STK31: variants seen among roughly 807,000 people sequenced by gnomAD.
The protein encoded by STK31 is serine/threonine kinase 31, also known as serine/threonine-protein kinase 31.
In STK31, 89 loss-of-function variants were observed where a neutral mutation model predicts 129.7. The ratio of observed to expected loss-of-function variants is 0.69; its 90% CI spans 0.58 to 0.82. The LOEUF (loss-of-function observed/expected upper bound fraction) is 0.82. STK31 is among the 40% of genes least tolerant of loss of function. The pLI is 0.00. For missense variants in STK31, 1,187 were observed against 1,176.4 expected (o/e 1.01, Z -0.13); for synonymous variants, 448 against 395.3 (o/e 1.13, Z -1.58).
chr7:23,711,856 G>T (rs1785986542), intron 1 of STK31, among the ~76,000 whole-genome samples: 1 of 152,152 alleles, frequency 6.6e-6, no homozygotes, highest in Non-Finnish European at 1.5e-5. Flanking sequence ...GTATAAGTTT[G>T]TAAAAGTTTG....
intron 4 of STK31, among the ~76,000 whole-genome samples, chr7:23,726,841 G>C (rs1787116649): frequency 6.6e-6 from 1 of 152,090 alleles, no homozygotes; most frequent in Non-Finnish European, 1.5e-5. Flanking sequence ...TTGAGAGTTA[G>C]ACTTACGTGG....
intron 4 of STK31, among the ~76,000 whole-genome samples, chr7:23,724,460 G>A (rs377490930): frequency 1.1e-3 from 175 of 152,308 alleles, no homozygotes; most frequent in African/African-American, 1.9e-3. Context: ...TTAAAGTAGC[G>A]AGTTAGAGTA....
At chr7:23,735,132 TA>T (rs1787643457) in intron 6 of STK31, among the ~76,000 whole-genome samples, 1 of 152,208 alleles carries the variant, frequency 6.6e-6, no homozygotes, top group Non-Finnish European at 1.5e-5. Flanking sequence ...ACTCTGCCTC[TA>T]AAACTTTCAA....
At position 23,752,797 on chromosome 7, in the gene STK31, T is replaced by C; in HGVS notation, c.1098T>C (p.Asn366=). 6.2e-7 allele frequency: 1 copy of C among 1,613,164 alleles called. No individual in the cohort carries two copies. The change falls in exon 9 of 24, where the codon AAT becomes AAC. Residue 366 remains asparagine (N), a synonymous_variant. Transcript: ENST00000355870. ...CCTATATAGATACCAGAATGAAAAA[T>C]CTGGCAGCTAAGATGGAAATACTGA... The part of the protein sequence containing the change: ...LKTYIDTRMK[N]LAAKMEILKE...
At chr7:23,795,406 G>A (rs759104273) in intron 22 of STK31, among the ~76,000 whole-genome samples, 1 of 152,230 alleles carries the variant, frequency 6.6e-6, no homozygotes, top group Non-Finnish European at 1.5e-5. Context: ...GTATGGAAAT[G>A]CCTGGATGTC....
chr7:23,832,425 A>G lies in STK31; in HGVS notation c.*59A>G, dbSNP rs1268178310. ...AAAAACTTTGGTTTGGTTAATACACAGAAATATCTAGAAATGTTCTGGGAC... is the reference window on the plus strand; with the variant it reads ...AAAAACTTTGGTTTGGTTAATACACGGAAATATCTAGAAATGTTCTGGGAC... On this transcript the variant is annotated 3_prime_UTR_variant, in exon 24 of 24. Coordinates refer to ENST00000355870, the MANE Select transcript of STK31 (RefSeq NM_031414.5). The G allele has an allele frequency of 1.9e-5, 22 of 1,141,196 alleles. No homozygotes were observed. The highest frequency in any genetic ancestry group is 1.9e-4 in the African/African-American group (12 of 64,096). The allele number at this position is 1,141,196 out of a possible 1,614,324, so 70.7% of individuals were successfully genotyped here.
At chr7:23,814,146 C>CTTTTTTTTTTT (rs71552259) in intron 22 of STK31, among the ~76,000 whole-genome samples, 6,673 of 98,380 alleles carry the variant, frequency 0.068, 1,965 homozygotes, top group East Asian at 0.14. Flanking sequence ...ATCTGGCTCA[C>CTTTTTTTTTTT]TTATTTTTTT....
At chr7:23,726,950 A>C (rs989757348) in intron 4 of STK31, among the ~76,000 whole-genome samples, 7 of 152,110 alleles carry the variant, frequency 4.6e-5, no homozygotes, top group African/African-American at 1.7e-4. Flanking sequence ...GTGCCTTAAA[A>C]AATTTTTTTT....
chr7:23,814,538 A>G (rs1562627035), intron 22 of STK31, among the ~76,000 whole-genome samples: 1 of 152,164 alleles, frequency 6.6e-6, no homozygotes, highest in Non-Finnish European at 1.5e-5. Context: ...TAAGATATTT[A>G]TAGGTGAAAT....
At position 23,788,072 on chromosome 7, in the gene STK31, A is replaced by C; in HGVS notation, c.2580A>C (p.Val860=). 1 of 1,613,098 alleles carries C rather than the reference A, an allele frequency of 6.2e-7. No individual in the cohort carries two copies. Among genetic ancestry groups the C allele is most frequent in the South Asian group, 1.1e-5 (1 of 90,846 alleles). ...ATGGATCACTTCATCAGAACAATGTATTTGCTTTAAACCGTGAACAAGGAA... is the reference window on the plus strand; with the variant it reads ...ATGGATCACTTCATCAGAACAATGTCTTTGCTTTAAACCGTGAACAAGGAA... ...IIHGSLHQNN[V]FALNREQGIV... is the part of the protein sequence containing the mutation. The change falls in exon 21 of 24, where the codon GTA becomes GTC. Residue 860 remains valine, a synonymous_variant. Transcript: ENST00000355870.
intron 22 of STK31, among the ~76,000 whole-genome samples, chr7:23,812,172 T>G (rs891695800): frequency 2.6e-5 from 4 of 152,198 alleles, no homozygotes; most frequent in African/African-American, 9.6e-5. Context: ...TGAGAACATC[T>G]TGATTTCACT....
intron 22 of STK31, among the ~76,000 whole-genome samples, chr7:23,808,691 C>T (rs1024426959): frequency 1.3e-5 from 2 of 151,968 alleles, no homozygotes; most frequent in African/African-American, 4.8e-5. Flanking sequence ...AGTTCAGTTC[C>T]CTGTTTGGCT....
At chr7:23,740,761 T>C (rs1178621876) in intron 8 of STK31, among the ~76,000 whole-genome samples, 1 of 152,150 alleles carries the variant, frequency 6.6e-6, no homozygotes, top group Admixed American at 6.5e-5. Context: ...TTTTTTGTCC[T>C]TGCGATAGTT....
At chr7:23,789,557 G>C (rs6461738) in intron 21 of STK31, among the ~76,000 whole-genome samples, 70,627 of 151,868 alleles carry the variant, frequency 0.47, 16,875 homozygotes, top group Admixed American at 0.55. Context: ...TTTTGATATG[G>C]TAGCTCAAAA....
chr7:23,752,839 A>G lies in STK31; in HGVS notation c.1133+7A>G. The G allele has an allele frequency of 6.5e-7, 1 of 1,548,614 alleles. No individual in the cohort carries two copies. The highest frequency in any genetic ancestry group is 8.9e-7 in the Non-Finnish European group (1 of 1,126,172). On this transcript the variant is annotated splice_region_variant and intron_variant, in intron 9 of 23. Transcript: ENST00000355870. ...AAATACTGAAAGAAATGAGGTAGGTAAAAGCATATTTTTCAGAAGGATATT... is the reference window on the plus strand; with the variant it reads ...AAATACTGAAAGAAATGAGGTAGGTGAAAGCATATTTTTCAGAAGGATATT...
intron 7 of STK31, among the ~76,000 whole-genome samples, chr7:23,736,197 T>C (rs567002918): frequency 1.4e-4 from 21 of 152,338 alleles, no homozygotes; most frequent in African/African-American, 4.8e-4. Context: ...ATCTGAATTA[T>C]TCAGGCAAAG....
intron 17 of STK31, 90 bp from the exon 18 acceptor site, chr7:23,785,388 T>A: frequency 6.6e-7 from 1 of 1,525,240 alleles, no homozygotes; most frequent in Non-Finnish European, 8.9e-7. Flanking sequence ...GGTGTCCAAG[T>A]CATTTAATAT....
chr7:23,805,606 CCT>C (rs1012346630), intron 22 of STK31, among the ~76,000 whole-genome samples: 8 of 152,000 alleles, frequency 5.3e-5, no homozygotes, highest in Non-Finnish European at 1.0e-4. Flanking sequence ...GCCTTAGCCC[CCT>C]GAGTAGCTGG....
At chr7:23,762,510 A>G (rs1789536982) in intron 10 of STK31, among the ~76,000 whole-genome samples, 1 of 152,174 alleles carries the variant, frequency 6.6e-6, no homozygotes, top group Non-Finnish European at 1.5e-5. Flanking sequence ...GGCCATATGT[A>G]ATTAGTAGGA....
Sources: allele counts gnomAD v4.1 joint callset (sites outside exome capture counted in the v4.1 genomes callset), GRCh38; gene constraint gnomAD v4.1.1; transcripts MANE v1.5; gene names NCBI Gene and HGNC (gene_info 2026-07-23, HGNC 2026-07-21).